Variants in WWOX observed in about 807,000 individuals in gnomAD.
The protein encoded by WWOX is WW domain-containing oxidoreductase.
Under a neutral mutation model 46.2 loss-of-function variants are expected in WWOX, and 69 were observed. The observed-to-expected ratio is 1.49, with a 90% CI of 1.23 to 1.82. The LOEUF is 1.82. WWOX is among the 40% of genes most tolerant of loss of function. The pLI is 0.00. For synonymous variants in WWOX, 359 were observed against 202.6 expected (o/e 1.77, Z -6.56); for missense variants, 919 against 542.6 (o/e 1.69, Z -6.89).
intron 8 of WWOX, among the ~76,000 whole-genome samples, chr16:78,816,075 C>G (rs1215043963): frequency 2.0e-5 from 3 of 152,172 alleles, no homozygotes. Flanking sequence ...TTCTGCTTTT[C>G]TAGCATGGAA....
At chr16:78,908,790 G>C (rs1006386570) in intron 8 of WWOX, among the ~76,000 whole-genome samples, 1 of 152,172 alleles carries the variant, frequency 6.6e-6, no homozygotes, top group Non-Finnish European at 1.5e-5. Flanking sequence ...TCAATTTATT[G>C]ACCTGGGTGG....
chr16:78,439,475 A>G (rs72797994), intron 8 of WWOX, among the ~76,000 whole-genome samples: 17,941 of 152,144 alleles, frequency 0.12, 1,316 homozygotes, highest in East Asian at 0.2. Context: ...CATTGGTTTT[A>G]GTAGTCTTAC....
chr16:78,524,318 T>G (rs1646934742), intron 8 of WWOX, among the ~76,000 whole-genome samples: 1 of 152,238 alleles, frequency 6.6e-6, no homozygotes, highest in African/African-American at 2.4e-5. Flanking sequence ...GTTACTGCTG[T>G]AAGCCACTTT....
At chr16:78,965,053 G>A (rs1406154059) in intron 8 of WWOX, among the ~76,000 whole-genome samples, 2 of 152,336 alleles carry the variant, frequency 1.3e-5, no homozygotes, top group South Asian at 4.1e-4. Flanking sequence ...TGCTGCATGG[G>A]TGGAGCCCTC....
chr16:78,110,309 CAGCCTGGGTGACAGAATG>C (rs2032415426), intron 3 of WWOX, among the ~76,000 whole-genome samples: 1 of 135,926 alleles, frequency 7.4e-6, no homozygotes, highest in African/African-American at 2.9e-5. Flanking sequence ...CACTGCACTC[CAGCCTGGGTGACAGAATG>C]AGACTCCTTC....
intron 8 of WWOX, among the ~76,000 whole-genome samples, chr16:78,960,769 T>A (rs1381677210): frequency 6.6e-6 from 1 of 151,928 alleles, no homozygotes; most frequent in Middle Eastern, 3.2e-3. Context: ...GCTTTGGGAG[T>A]TCTCTATTTA....
At chr16:78,873,877 G>A (rs779010651) in intron 8 of WWOX, among the ~76,000 whole-genome samples, 11 of 152,116 alleles carry the variant, frequency 7.2e-5, no homozygotes, top group African/African-American at 2.4e-4. Flanking sequence ...GGAGTATAGC[G>A]AGGGGCAATC....
chr16:78,188,498 A>T (rs2151761056), intron 5 of WWOX, among the ~76,000 whole-genome samples: 1 of 152,162 alleles, frequency 6.6e-6, no homozygotes, highest in East Asian at 1.9e-4. Context: ...AAAAAAAAAA[A>T]AAAAAAATAG....
chr16:78,378,940 A>T (rs2081891403), intron 5 of WWOX, among the ~76,000 whole-genome samples: 1 of 152,216 alleles, frequency 6.6e-6, no homozygotes, highest in African/African-American at 2.4e-5. Context: ...GTCTTCAAGA[A>T]TATGACGACA....
At position 78,337,976 on chromosome 16, in the gene WWOX, A is replaced by T. The variant is rs1225552138; in HGVS notation, c.517-48884A>T. ...AGTAAGAGACCTCACAAGATGCTTT[A>T]TCAGGTCACTTGGCAACCAAGCTGA... On this transcript the variant is annotated intron_variant, in intron 5 of 8. Coordinates refer to ENST00000566780, the MANE Select transcript of WWOX (RefSeq NM_016373.4). 7.5e-5 allele frequency among the ~76,000 whole-genome samples: 9 copies of T among 119,926 alleles called. 2 individuals are homozygous for T. The highest frequency in any genetic ancestry group is 2.5e-4 in the African/African-American group (9 of 35,346). The allele number at this position is 119,926 out of a possible 152,430, so 78.7% of individuals were successfully genotyped here. A position where few individuals can be genotyped will look rare whatever the true frequency, so the allele number is the denominator to read the frequency against.
chr16:78,406,328 A>T (rs865872921), intron 6 of WWOX, among the ~76,000 whole-genome samples: 1 of 85,482 alleles, frequency 1.2e-5, no homozygotes, highest in African/African-American at 1.3e-4. Context: ...ATATATATAT[A>T]TATATATATA....
intron 8 of WWOX, among the ~76,000 whole-genome samples, chr16:78,849,476 A>G (rs2052385519): frequency 6.8e-6 from 1 of 147,616 alleles, no homozygotes; most frequent in South Asian, 2.3e-4. Context: ...GGGGAGGCTG[A>G]GGCAGGAGAA....
At chr16:79,182,537 C>T (rs910933073) in intron 8 of WWOX, among the ~76,000 whole-genome samples, 7 of 151,852 alleles carry the variant, frequency 4.6e-5, no homozygotes, top group Middle Eastern at 3.4e-3. Context: ...AAGTAATTAG[C>T]GGGGCCTGTT....
At chr16:78,875,136 C>T (rs1353712597) in intron 8 of WWOX, among the ~76,000 whole-genome samples, 1 of 152,196 alleles carries the variant, frequency 6.6e-6, no homozygotes, top group Non-Finnish European at 1.5e-5. Flanking sequence ...TGACTCTCTA[C>T]TTCATGGGTT....
intron 8 of WWOX, among the ~76,000 whole-genome samples, chr16:78,975,481 C>A (rs1054816129): frequency 4.0e-5 from 6 of 151,574 alleles, no homozygotes; most frequent in African/African-American, 1.5e-4. Flanking sequence ...TCATTATGGC[C>A]CCCTCCCCCA....
At chr16:78,256,992 G>C (rs1195923794) in intron 5 of WWOX, among the ~76,000 whole-genome samples, 2 of 152,100 alleles carry the variant, frequency 1.3e-5, no homozygotes, top group African/African-American at 4.8e-5. Context: ...GGCCAAGGCA[G>C]TCTACTCTTA....
chr16:79,003,893 A>G (rs959551722), intron 8 of WWOX, among the ~76,000 whole-genome samples: 1 of 152,176 alleles, frequency 6.6e-6, no homozygotes, highest in Non-Finnish European at 1.5e-5. Context: ...CCACCTCTCG[A>G]TGAGAGGAGA....
chr16:78,566,592 G>A (rs1435965088), intron 8 of WWOX, among the ~76,000 whole-genome samples: 2 of 152,184 alleles, frequency 1.3e-5, no homozygotes, highest in East Asian at 1.9e-4. Context: ...GTGCTCAGAG[G>A]CAGCCGGAAG....
intron 8 of WWOX, among the ~76,000 whole-genome samples, chr16:78,599,183 G>A (rs1009381369): frequency 3.3e-5 from 5 of 152,200 alleles, no homozygotes; most frequent in African/African-American, 1.2e-4. Flanking sequence ...GATCAAGACA[G>A]AAATGTAAAT....
Sources: allele counts gnomAD v4.1 joint callset (sites outside exome capture counted in the v4.1 genomes callset), GRCh38; gene constraint gnomAD v4.1.1; transcripts MANE v1.5; gene names NCBI Gene and HGNC (gene_info 2026-07-23, HGNC 2026-07-21).